The following TTBK2 variants were observed in gnomAD, a reference collection of about 807,000 sequenced individuals.
TTBK2 encodes the protein tau-tubulin kinase 2.
In TTBK2, 28 loss-of-function variants were observed where a neutral mutation model predicts 110.8. The observed-to-expected ratio is 0.25, with a 90% CI of 0.19 to 0.35. The LOEUF is 0.35. Ranked by LOEUF, TTBK2 falls within the 10% of genes least tolerant of loss-of-function variation. TTBK2 has a pLI of 1.00. For missense variants in TTBK2, 1,369 were observed against 1,500.3 expected (o/e 0.91, Z 1.45); for synonymous variants, 532 against 527.3 (o/e 1.01, Z -0.12).
intron 4 of TTBK2, among the ~76,000 whole-genome samples, chr15:42,833,422 C>CA (rs761730442): frequency 1.3e-5 from 2 of 152,070 alleles, no homozygotes; most frequent in Non-Finnish European, 2.9e-5. Flanking sequence ...AATGAACCTT[C>CA]ATGTATCTAC....
rs574528139 is a variant in TTBK2, at chr15:42,790,600, T to C, written c.980+4044A>G. Reference sequence around the variant, plus strand: ...TGTGCCTGGCCCGTACTTTAATTTATAAATAATTTGGGGGGTGGGTATTTC... The same window carrying C: ...TGTGCCTGGCCCGTACTTTAATTTACAAATAATTTGGGGGGTGGGTATTTC... On this transcript the variant is annotated intron_variant, in intron 10 of 14. Coordinates refer to ENST00000267890, the MANE Select transcript of TTBK2 (RefSeq NM_173500.4). 2.0e-5 allele frequency among the ~76,000 whole-genome samples: 3 copies of C among 152,262 alleles called. No individual in the cohort carries two copies. In the East Asian group the frequency reaches 5.8e-4, roughly 29 times the overall value.
chr15:42,745,918 G>A lies in TTBK2; in HGVS notation c.3612C>T (p.Cys1204=), dbSNP rs1208498134. The change falls in exon 15 of 15, where the codon TGC becomes TGT. Residue 1204 remains cysteine (C), a synonymous_variant. Transcript: ENST00000267890. The part of the protein sequence containing the change: ...HSGSSSSRRS[C]QQEHCKPSKN... ...TGCTGGGTTTGCAATGCTCCTGTTG[G>A]CAGGACCTCCTGGAGGAGGAAGATC... The A allele has an allele frequency of 5.0e-6, 8 of 1,614,020 alleles. No homozygotes were observed. The highest frequency in any genetic ancestry group is 2.7e-5 in the African/African-American group (2 of 74,902).
chr15:42,891,364 G>C (rs1233998866), intron 1 of TTBK2, among the ~76,000 whole-genome samples: 2 of 151,484 alleles, frequency 1.3e-5, no homozygotes, highest in Non-Finnish European at 2.9e-5. Flanking sequence ...TGTAGAGACA[G>C]AGTCTGGGTA....
At chr15:42,773,096 G>A (rs1315463902) in intron 13 of TTBK2, among the ~76,000 whole-genome samples, 1 of 152,110 alleles carries the variant, frequency 6.6e-6, no homozygotes, top group African/African-American at 2.4e-5. Flanking sequence ...CTAGTGACTT[G>A]GGACGCTGGC....
At chr15:42,768,589 A>T (rs1725027145) in intron 13 of TTBK2, among the ~76,000 whole-genome samples, 1 of 152,180 alleles carries the variant, frequency 6.6e-6, no homozygotes, top group Admixed American at 6.5e-5. Flanking sequence ...ACTACAAACC[A>T]CTGCTCAATG....
At chr15:42,805,198 C>A (rs917303823) in intron 9 of TTBK2, among the ~76,000 whole-genome samples, 1 of 152,124 alleles carries the variant, frequency 6.6e-6, no homozygotes, top group African/African-American at 2.4e-5. Flanking sequence ...AATAATCAAG[C>A]AGATTTAATT....
At chr15:42,857,856 G>T (rs1215523077) in intron 3 of TTBK2, among the ~76,000 whole-genome samples, 1 of 151,924 alleles carries the variant, frequency 6.6e-6, no homozygotes, top group Admixed American at 6.6e-5. Context: ...GCTGAGGCAG[G>T]TGGATCACCT....
chr15:42,905,196 C>T (rs1330029318), intron 1 of TTBK2, among the ~76,000 whole-genome samples: 1 of 151,870 alleles, frequency 6.6e-6, no homozygotes, highest in Non-Finnish European at 1.5e-5. Context: ...TAATTTAAGT[C>T]ATATAGATTC....
At chr15:42,762,344 C>A (rs969008166) in intron 13 of TTBK2, among the ~76,000 whole-genome samples, 1 of 152,182 alleles carries the variant, frequency 6.6e-6, no homozygotes, top group Non-Finnish European at 1.5e-5. Context: ...TGCACACTCA[C>A]GTTTACTGCA....
At chr15:42,810,431 AC>A (rs1891658456) in intron 9 of TTBK2, among the ~76,000 whole-genome samples, 182 bp downstream of exon 9, 2 of 152,216 alleles carry the variant, frequency 1.3e-5, no homozygotes, top group African/African-American at 4.8e-5. Context: ...GGGATGAAAC[AC>A]ATAACACACA....
chr15:42,795,213 G>T (rs1415236355), intron 9 of TTBK2, among the ~76,000 whole-genome samples: 1 of 150,514 alleles, frequency 6.6e-6, no homozygotes, highest in Admixed American at 6.6e-5. Flanking sequence ...AACATGTAAC[G>T]TGTCTAGGTA....
chr15:42,781,192 T>C (rs967361894), intron 11 of TTBK2, among the ~76,000 whole-genome samples: 1 of 150,522 alleles, frequency 6.6e-6, no homozygotes, highest in Middle Eastern at 3.4e-3. Flanking sequence ...GCTTTAATGC[T>C]AGAAAAAAAA....
At chr15:42,915,792 G>T (rs7174240) in intron 1 of TTBK2, among the ~76,000 whole-genome samples, 151,875 of 152,242 alleles carry the variant, frequency 1, 75,755 homozygotes, top group Middle Eastern at 1. Context: ...ACAAAAAATT[G>T]TAAAATTAGC....
At chr15:42,855,425 G>A (rs1008596117) in intron 3 of TTBK2, among the ~76,000 whole-genome samples, 3 of 152,124 alleles carry the variant, frequency 2.0e-5, no homozygotes, top group Non-Finnish European at 2.9e-5. Flanking sequence ...CACAGAAAAA[G>A]TTTAAGGAAC....
At chr15:42,815,396 G>A (rs1891895831) in intron 7 of TTBK2, among the ~76,000 whole-genome samples, 2 of 152,062 alleles carry the variant, frequency 1.3e-5, no homozygotes, top group Non-Finnish European at 2.9e-5. Context: ...TTCTCATTTT[G>A]GCTTATCAGA....
At chr15:42,830,949 G>A (rs983392290) in intron 4 of TTBK2, among the ~76,000 whole-genome samples, 8 of 151,762 alleles carry the variant, frequency 5.3e-5, no homozygotes, top group African/African-American at 1.9e-4. Flanking sequence ...AGGTTGCAGT[G>A]AGCCAAGATC....
At chr15:42,889,605 ATGT>A (rs1233033137) in intron 1 of TTBK2, among the ~76,000 whole-genome samples, 9 of 152,158 alleles carry the variant, frequency 5.9e-5, no homozygotes, top group Non-Finnish European at 1.2e-4. Context: ...CTCTAAGTGG[ATGT>A]CTTGGGTCCT....
At chr15:42,804,144 C>T (rs1048506282) in intron 9 of TTBK2, among the ~76,000 whole-genome samples, 7 of 151,718 alleles carry the variant, frequency 4.6e-5, no homozygotes, top group African/African-American at 1.7e-4. Context: ...ATAATTACCT[C>T]ATTAAAAATA....
chr15:42,864,740 A>G (rs1567066561), intron 3 of TTBK2, among the ~76,000 whole-genome samples: 2 of 152,192 alleles, frequency 1.3e-5, no homozygotes, highest in South Asian at 4.1e-4. Flanking sequence ...AGACATGTTA[A>G]AAGTTCTTTG....
Sources: allele counts gnomAD v4.1 joint callset (sites outside exome capture counted in the v4.1 genomes callset), GRCh38; gene constraint gnomAD v4.1.1; transcripts MANE v1.5; gene names NCBI Gene and HGNC (gene_info 2026-07-23, HGNC 2026-07-21).